Variants in UGT2A3 observed in about 807,000 individuals in gnomAD.
UGT2A3 encodes UDP-glucuronosyltransferase 2A3.
Under a neutral mutation model 44.1 loss-of-function variants are expected in UGT2A3, and 55 were observed. That is an observed-to-expected ratio of 1.25 (90% CI 1.00 to 1.56). UGT2A3 has a LOEUF of 1.56. Among genes scored for constraint, UGT2A3 ranks in the 40% most tolerant of loss-of-function variants. The pLI is 0.00. For synonymous variants in UGT2A3, 243 were observed against 215.1 expected, an observed-to-expected ratio of 1.13 and a Z score of -1.13; for missense variants, 733 against 621.6, an observed-to-expected ratio of 1.18 and a Z score of -1.91.
Position 68,930,023 on chromosome 4 carries a change from T to C in UGT2A3, c.1374A>G (p.Ala458=). 6.2e-7 allele frequency: 1 copy of C among 1,613,608 alleles called. No individual in the cohort carries two copies. The highest frequency in any genetic ancestry group is 8.5e-7 in the Non-Finnish European group (1 of 1,179,656). ...HDQPVKPLDR[A]VFWIEFVMRH... ...GCATGACAAACTCGATCCAGAAGAC[T>C]GCTCGATCTAGGGGCTTTACAGGTT... The change falls in exon 6 of 6, where the codon GCA becomes GCG. Residue 458 remains alanine, a synonymous_variant. Transcript: ENST00000251566.
Position 68,930,918 on chromosome 4 carries a change from C to T in UGT2A3, c.1085-153G>A, listed in dbSNP as rs147670861. Among the ~76,000 whole-genome samples, 586 of 152,240 alleles carry T rather than the reference C, an allele frequency of 3.8e-3. 1 individual carries two copies. The highest frequency in any genetic ancestry group is 6.4e-3 in the Non-Finnish European group (438 of 67,988). The stretch of plus-strand genomic sequence containing the variant: ...CACATGGAGCATTGCTACTAAAGAT[C>T]ATTTCTATCTCCAGAAAAATAGGCA... On this transcript the variant is annotated intron_variant, in intron 4 of 5. Transcript: ENST00000251566.
chr4:68,951,131 T>G lies in UGT2A3; in HGVS notation c.630A>C (p.Lys210Asn). Residue 210 changes from lysine to asparagine, a missense_variant, in exon 1 of 6, where the codon AAA becomes AAC. By Grantham distance (94) the Lys-to-Asn change is moderately conservative (BLOSUM62 0). Coordinates refer to ENST00000251566, the MANE Select transcript of UGT2A3 (RefSeq NM_024743.4). Reference protein sequence around the residue: ...TDRMTFLERVKNSMLSVLFHF... With the variant: ...TDRMTFLERVNNSMLSVLFHF... The stretch of plus-strand genomic sequence containing the variant: ...GGAACAAAACTGAAAGCATTGAATT[T>G]TTTACTCTTTCCAGAAAGGTCATTC... The G allele has an allele frequency of 6.2e-7, 1 of 1,611,666 alleles. No individual in the cohort carries two copies. The highest frequency in any genetic ancestry group is 1.1e-5 in the South Asian group (1 of 90,864).
chr4:68,945,535 A>T, intron 1 of UGT2A3, 81 bp from the exon 2 acceptor site: 1 of 1,293,744 alleles, frequency 7.7e-7, no homozygotes. Context: ...TAAGCTATTA[A>T]GAAAAAAATA....
At chr4:68,940,744 A>G (rs1718154078) in intron 2 of UGT2A3, among the ~76,000 whole-genome samples, 1 of 146,832 alleles carries the variant, frequency 6.8e-6, no homozygotes, top group Non-Finnish European at 1.5e-5. Flanking sequence ...ATACACATAT[A>G]TACATATATA....
rs1328098803 is a variant in UGT2A3 at position 68,932,797 on chromosome 4, TA to T, written c.865-39del. 1.9e-6 allele frequency: 3 copies of T among 1,566,658 alleles called. No individual in the cohort carries two copies. In the East Asian group the frequency reaches 6.7e-5, roughly 35 times the overall value. The stretch of plus-strand genomic sequence containing the variant: ...ATTTATCTGCATTACAGAGGCATAA[TA>T]TAACAAAAATTAAAATAAAGGTTAC... On this transcript the variant is annotated intron_variant, in intron 2 of 5. Transcript: ENST00000251566.
intron 2 of UGT2A3, among the ~76,000 whole-genome samples, chr4:68,939,247 C>T (rs987427172): frequency 2.0e-5 from 3 of 152,084 alleles, no homozygotes; most frequent in African/African-American, 7.2e-5. Context: ...CCAAGACAAT[C>T]CTAAGCAAAA....
intron 2 of UGT2A3, among the ~76,000 whole-genome samples, chr4:68,943,778 C>G (rs1280759719): frequency 1.3e-5 from 2 of 151,784 alleles, no homozygotes; most frequent in Admixed American, 6.6e-5. Context: ...TATAGGACAA[C>G]TAGATACAGC....
chr4:68,951,332 G>T lies in UGT2A3; in HGVS notation c.429C>A (p.Tyr143Ter). ...TLMKKLQETN[Y>*]DVMLIDPVIP... ...TCACAGGGTCTATAAGCATTACATC[G>T]TAGTTGGTTTCCTGTAGCTTCTTCA... Residue 143 changes from tyrosine to a stop codon, truncating the protein, a stop_gained, in exon 1 of 6, where the codon TAC (tyrosine) becomes TAA (stop). Coordinates refer to ENST00000251566, the MANE Select transcript of UGT2A3 (RefSeq NM_024743.4). LOFTEE classifies it high-confidence loss of function. 6.2e-7 allele frequency: 1 copy of T among 1,612,566 alleles called. No individual in the cohort carries two copies. Among genetic ancestry groups the T allele is most frequent in the Non-Finnish European group, 8.5e-7 (1 of 1,179,176 alleles).
chr4:68,945,194 C>T, intron 2 of UGT2A3, 112 bp downstream of exon 2: 18 of 1,252,322 alleles, frequency 1.4e-5, no homozygotes, highest in East Asian at 2.5e-5. Flanking sequence ...AAATATGGAG[C>T]TGCAAACAGA....
In UGT2A3 at chr4:68,951,146, A is replaced by T; in HGVS notation, c.615T>A (p.Phe205Leu). Residue 205 changes from phenylalanine (F) to leucine (L), a missense_variant, in exon 1 of 6, where the codon TTT (phenylalanine) becomes TTA (leucine). Transcript: ENST00000251566. Reference protein sequence around the residue: ...PMTGLTDRMTFLERVKNSMLS... With the variant: ...PMTGLTDRMTLLERVKNSMLS... Reference sequence around the variant, plus strand: ...GCATTGAATTTTTTACTCTTTCCAGAAAGGTCATTCTGTCTGTTAGTCCTG... The same window carrying T: ...GCATTGAATTTTTTACTCTTTCCAGTAAGGTCATTCTGTCTGTTAGTCCTG... The T allele has an allele frequency of 6.2e-7, 1 of 1,611,842 alleles. No homozygotes were observed. The highest frequency in any genetic ancestry group is 1.1e-5 in the South Asian group (1 of 90,918).
intron 2 of UGT2A3, among the ~76,000 whole-genome samples, chr4:68,936,396 G>C (rs1035419236): frequency 6.6e-6 from 1 of 152,018 alleles, no homozygotes; most frequent in Non-Finnish European, 1.5e-5. Context: ...AAGAGAGTGG[G>C]GGCCAATATT....
At position 68,942,524 on chromosome 4, in the gene UGT2A3, T is replaced by G. The variant is rs994689785; in HGVS notation, c.864+2782A>C. Among the ~76,000 whole-genome samples, 9 of 140,720 alleles carry G rather than the reference T, an allele frequency of 6.4e-5. 1 individual carries two copies. The South Asian group carries it at 6.6e-4, about 10-fold the overall frequency. The allele number at this position is 140,720 out of a possible 152,430, so 92.3% of individuals were successfully genotyped here. ...CTGGAGATATATATATATATATATATATATATATATATATACATTTTCCAA... is the reference window on the plus strand; with the variant it reads ...CTGGAGATATATATATATATATATAGATATATATATATATACATTTTCCAA... On this transcript the variant is annotated intron_variant, in intron 2 of 5. Coordinates refer to ENST00000251566, the MANE Select transcript of UGT2A3 (RefSeq NM_024743.4).
At chr4:68,935,276 G>GTATATATATATATATATATATATA (rs57286694) in intron 2 of UGT2A3, among the ~76,000 whole-genome samples, 2 of 60,114 alleles carry the variant, frequency 3.3e-5, no homozygotes, top group Non-Finnish European at 6.7e-5. Flanking sequence ...ATGTATGTAT[G>GTATATATATATATATATATATATA]TATATATATA....
intron 1 of UGT2A3, among the ~76,000 whole-genome samples, chr4:68,949,274 C>T (rs1306869777): frequency 6.6e-6 from 1 of 151,710 alleles, no homozygotes; most frequent in Admixed American, 6.6e-5. Context: ...ATTGAGAGAC[C>T]TGCTACTTTT....
intron 2 of UGT2A3, among the ~76,000 whole-genome samples, chr4:68,936,811 G>A (rs140811760): frequency 6.9e-6 from 1 of 145,474 alleles, no homozygotes; most frequent in Non-Finnish European, 1.5e-5. Context: ...TGTATTCAGG[G>A]GACCCATCTC....
intron 3 of UGT2A3, 129 bp downstream of exon 3, chr4:68,932,499 C>T (rs1197944638): frequency 4.3e-6 from 4 of 929,570 alleles, no homozygotes; most frequent in South Asian, 2.2e-5. Context: ...TGCCCATGTA[C>T]ACTACTATAA....
At chr4:68,947,678 A>G (rs1019457658) in intron 1 of UGT2A3, among the ~76,000 whole-genome samples, 1 of 151,834 alleles carries the variant, frequency 6.6e-6, no homozygotes, top group Admixed American at 6.6e-5. Context: ...TTTCTTACAT[A>G]AGACTTGAAA....
chr4:68,943,461 C>G, intron 2 of UGT2A3: 1 of 518,364 alleles, frequency 1.9e-6, no homozygotes, highest in Non-Finnish European at 2.8e-6. Context: ...AATAATTTTT[C>G]TGGAAATCCT....
chr4:68,951,154 T>C lies in UGT2A3; in HGVS notation c.607A>G (p.Met203Val), dbSNP rs1718570061. 2 of 1,611,886 alleles carry C rather than the reference T, an allele frequency of 1.2e-6. No individual in the cohort carries two copies. Among genetic ancestry groups the C allele is most frequent in the Non-Finnish European group, 1.7e-6 (2 of 1,178,982 alleles). Residue 203 changes from methionine (M) to valine (V), a missense_variant, in exon 1 of 6, where the codon ATG (methionine) becomes GTG (valine). Met to Val is a conservative substitution (Grantham distance 21, BLOSUM62 1). Transcript: ENST00000251566. ...PVPMTGLTDR[M>V]TFLERVKNSM... ...TTTTTTACTCTTTCCAGAAAGGTCATTCTGTCTGTTAGTCCTGTCATAGGC... is the reference window on the plus strand; with the variant it reads ...TTTTTTACTCTTTCCAGAAAGGTCACTCTGTCTGTTAGTCCTGTCATAGGC...
Sources: gnomAD v4.1 joint callset for allele counts (sites outside exome capture counted in the v4.1 genomes callset) on GRCh38, gnomAD v4.1.1 for gene constraint, MANE v1.5 for transcripts, NCBI Gene and HGNC (gene_info 2026-07-23, HGNC 2026-07-21) for gene names.